The following EMCN variants were observed in gnomAD, a reference collection of about 807,000 sequenced individuals.
The protein encoded by EMCN is endomucin.
In EMCN, 37 loss-of-function variants were observed where a neutral mutation model predicts 38.4. That is an observed-to-expected ratio of 0.96 (90% CI 0.74 to 1.27). The LOEUF is 1.27. EMCN is among the 50% of genes most tolerant of loss of function. EMCN has a pLI of 0.00. For synonymous variants in EMCN, 95 were observed against 100.8 expected (o/e 0.94, Z 0.35); for missense variants, 318 against 302.8 (o/e 1.05, Z -0.37).
At chr4:100,414,281 C>T (rs774105373) in intron 10 of EMCN, among the ~76,000 whole-genome samples, 2 of 147,098 alleles carry the variant, frequency 1.4e-5, no homozygotes, top group African/African-American at 2.5e-5. Flanking sequence ...CTTGATAAAT[C>T]GTGTAGTCAC....
intron 1 of EMCN, among the ~76,000 whole-genome samples, chr4:100,506,517 C>CT (rs1729483958): frequency 6.6e-6 from 1 of 151,730 alleles, no homozygotes; most frequent in Non-Finnish European, 1.5e-5. Context: ...TAAAGGGGTG[C>CT]TTATTACTCA....
chr4:100,503,047 C>A (rs949507488), intron 1 of EMCN, among the ~76,000 whole-genome samples: 1 of 151,946 alleles, frequency 6.6e-6, no homozygotes, highest in African/African-American at 2.4e-5. Flanking sequence ...TTGGTTTCAA[C>A]AATAAGCTAA....
chr4:100,495,636 T>G (rs575332364), intron 1 of EMCN, among the ~76,000 whole-genome samples: 3 of 152,098 alleles, frequency 2.0e-5, no homozygotes, highest in Non-Finnish European at 4.4e-5. Flanking sequence ...TAATCTCATA[T>G]TATGATCAAT....
In EMCN at chr4:100,421,272, T is replaced by C. The variant is rs760716068; in HGVS notation, c.664+10A>G. 24 of 1,610,024 alleles carry C rather than the reference T, an allele frequency of 1.5e-5. 1 individual carries two copies. The South Asian group carries it at 2.6e-4, about 18-fold the overall frequency. ...CTTTCAGGAAAACAAAACAAAACAC[T>C]GTTACCTACCCGGATCTGCCTTCCA... On this transcript the variant is annotated intron_variant, in intron 8 of 11. Transcript: ENST00000296420.
chr4:100,399,098 G>C (rs1035651273), intron 11 of EMCN, among the ~76,000 whole-genome samples: 34 of 152,306 alleles, frequency 2.2e-4, no homozygotes, highest in South Asian at 4.1e-4. Context: ...TCAGAAGAAA[G>C]AATGAATGAA....
At chr4:100,410,132 T>C in intron 11 of EMCN, 150 bp downstream of exon 11, 1 of 616,872 alleles carries the variant, frequency 1.6e-6, no homozygotes, top group Non-Finnish European at 2.8e-6. Context: ...TTGTTAGAGT[T>C]TGTTTTTAGA....
intron 5 of EMCN, among the ~76,000 whole-genome samples, chr4:100,443,815 A>T (rs1727589419): frequency 6.6e-6 from 1 of 152,104 alleles, no homozygotes; most frequent in Non-Finnish European, 1.5e-5. Context: ...TGAGGTTGTG[A>T]CCCTGGTGGA....
At position 100,465,543 on chromosome 4, in the gene EMCN, T is replaced by C. The variant is rs193038888; in HGVS notation, c.260-4A>G. Reference sequence around the variant, plus strand: ...TCAGTGGTTGTGGCTTTCAATCCTATAAAAAGAATGAACAGTCATCAGGAG... The same window carrying C: ...TCAGTGGTTGTGGCTTTCAATCCTACAAAAAGAATGAACAGTCATCAGGAG... On this transcript the variant is annotated splice_polypyrimidine_tract_variant and splice_region_variant and intron_variant, in intron 3 of 11. Coordinates refer to ENST00000296420, the MANE Select transcript of EMCN (RefSeq NM_016242.4). 6.4e-6 allele frequency: 10 copies of C among 1,559,554 alleles called. No individual in the cohort carries two copies. The East Asian group carries it at 1.8e-4, about 28-fold the overall frequency.
In EMCN at chr4:100,496,604, A is replaced by C. The variant is rs150660417; in HGVS notation, c.65-16565T>G. The stretch of plus-strand genomic sequence containing the variant: ...ATAGAAATAACTACAAAAACAAATA[A>C]TGTGAAAAAAGTAATTCAGCTCTAG... On this transcript the variant is annotated intron_variant, in intron 1 of 11. Transcript: ENST00000296420. 4.6e-3 allele frequency among the ~76,000 whole-genome samples: 704 copies of C among 152,330 alleles called. 12 individuals carry two copies. The highest frequency in any genetic ancestry group is 0.016 in the African/African-American group (677 of 41,560).
intron 11 of EMCN, among the ~76,000 whole-genome samples, chr4:100,401,319 T>C (rs1415800838): frequency 6.6e-6 from 1 of 152,168 alleles, no homozygotes; most frequent in Non-Finnish European, 1.5e-5. Context: ...AAATATAGTA[T>C]AACAACTATT....
chr4:100,515,711 A>T (rs978036589), intron 1 of EMCN, among the ~76,000 whole-genome samples: 1 of 152,126 alleles, frequency 6.6e-6, no homozygotes, highest in Non-Finnish European at 1.5e-5. Flanking sequence ...TATGTTAATC[A>T]TTCCTAAGTT....
intron 5 of EMCN, among the ~76,000 whole-genome samples, chr4:100,432,153 C>T (rs1166517615): frequency 6.6e-6 from 1 of 152,054 alleles, no homozygotes; most frequent in African/African-American, 2.4e-5. Flanking sequence ...TTCAGAGGGT[C>T]TTTTAATCTC....
At chr4:100,494,068 A>T (rs1264214950) in intron 1 of EMCN, among the ~76,000 whole-genome samples, 9 of 152,142 alleles carry the variant, frequency 5.9e-5, no homozygotes, top group Non-Finnish European at 2.9e-5. Context: ...GTTTCTCCAC[A>T]TTGGATGTGG....
At chr4:100,407,201 G>C (rs1726418339) in intron 11 of EMCN, among the ~76,000 whole-genome samples, 1 of 152,134 alleles carries the variant, frequency 6.6e-6, no homozygotes, top group African/African-American at 2.4e-5. Context: ...CCTTTTAAGT[G>C]GAGTGTTTAG....
chr4:100,500,231 T>TA (rs1729313953), intron 1 of EMCN, among the ~76,000 whole-genome samples: 1 of 152,212 alleles, frequency 6.6e-6, no homozygotes, highest in Admixed American at 6.5e-5. Flanking sequence ...TAATCATTCT[T>TA]AAGACCTTGA....
intron 8 of EMCN, 101 bp downstream of exon 8, chr4:100,421,181 T>A: frequency 9.6e-7 from 1 of 1,036,686 alleles, no homozygotes; most frequent in Non-Finnish European, 1.5e-6. Context: ...GACATTTCAT[T>A]TCTTTCTATA....
chr4:100,475,658 CCTTTT>C (rs1728618785), intron 2 of EMCN, among the ~76,000 whole-genome samples: 2 of 108,090 alleles, frequency 1.9e-5, no homozygotes, highest in Non-Finnish European at 3.5e-5. Flanking sequence ...CAATTCTAGT[CCTTTT>C]TTTTTTTTTT....
At chr4:100,498,338 A>G (rs1161935045) in intron 1 of EMCN, among the ~76,000 whole-genome samples, 1 of 152,218 alleles carries the variant, frequency 6.6e-6, no homozygotes, top group Non-Finnish European at 1.5e-5. Context: ...TCCTAATATT[A>G]GGAGAAAATA....
chr4:100,469,380 T>C (rs1728410561), intron 3 of EMCN, among the ~76,000 whole-genome samples: 1 of 152,128 alleles, frequency 6.6e-6, no homozygotes, highest in South Asian at 2.1e-4. Flanking sequence ...CAATTATTTT[T>C]GGATATTACA....
Sources: allele counts gnomAD v4.1 joint callset (sites outside exome capture counted in the v4.1 genomes callset), GRCh38; gene constraint gnomAD v4.1.1; transcripts MANE v1.5; gene names NCBI Gene and HGNC (gene_info 2026-07-23, HGNC 2026-07-21).